Variants in SETX observed in about 807,000 individuals in gnomAD.
The protein encoded by SETX is helicase senataxin.
Under a neutral mutation model 227.2 loss-of-function variants are expected in SETX, and 90 were observed. The ratio of observed to expected loss-of-function variants is 0.40; its 90% CI spans 0.33 to 0.47. The LOEUF (loss-of-function observed/expected upper bound fraction) is 0.47, where lower values mean the gene tolerates loss of function less well. Ranked by LOEUF, SETX falls within the 20% of genes least tolerant of loss-of-function variation. The pLI, the probability that SETX is intolerant of heterozygous loss-of-function variation, is 0.91. For synonymous variants in SETX, 1,210 were observed against 1,113.2 expected, an observed-to-expected ratio of 1.09 and a Z score of -1.73; for missense variants, 3,052 against 3,181.5, an observed-to-expected ratio of 0.96 and a Z score of 0.98.
chr9:132,333,627 A>G (rs1038776712), intron 7 of SETX, among the ~76,000 whole-genome samples: 3 of 152,168 alleles, frequency 2.0e-5, no homozygotes, highest in Admixed American at 6.5e-5. Flanking sequence ...ATTACTTCCT[A>G]AAGATTAGAA....
chr9:132,309,297 T>C (rs1437247890), intron 11 of SETX, among the ~76,000 whole-genome samples: 1 of 151,894 alleles, frequency 6.6e-6, no homozygotes, highest in Non-Finnish European at 1.5e-5. Context: ...TTAAGTGGAC[T>C]CCAGACGCAT....
intron 4 of SETX, among the ~76,000 whole-genome samples, chr9:132,345,285 A>AT (rs919006674): frequency 6.6e-6 from 1 of 152,072 alleles, no homozygotes; most frequent in Non-Finnish European, 1.5e-5. Context: ...TATTATTACT[A>AT]TTTTTTAAGA....
At chr9:132,317,632 CT>C (rs528921561) in intron 10 of SETX, among the ~76,000 whole-genome samples, 64 of 144,744 alleles carry the variant, frequency 4.4e-4, no homozygotes, top group Admixed American at 4.2e-4. Context: ...TATCATTTTC[CT>C]TTTTTTTTTT....
intron 5 of SETX, among the ~76,000 whole-genome samples, chr9:132,340,661 TA>T (rs1359728529): frequency 3.3e-5 from 5 of 152,198 alleles, no homozygotes; most frequent in African/African-American, 1.2e-4. Context: ...GTCCTGGGGT[TA>T]AGAGGGGATG....
At chr9:132,347,531 CA>C (rs1364118294) in intron 3 of SETX, among the ~76,000 whole-genome samples, 4 of 152,056 alleles carry the variant, frequency 2.6e-5, no homozygotes, top group African/African-American at 9.6e-5. Context: ...AGGCTGGTCT[CA>C]AACTGCTGAC....
At chr9:132,292,825 G>A (rs571704415) in intron 15 of SETX, among the ~76,000 whole-genome samples, 1 of 152,174 alleles carries the variant, frequency 6.6e-6, no homozygotes, top group Non-Finnish European at 1.5e-5. Context: ...TTTCAGTAGA[G>A]ACTGGGTTTC....
intron 10 of SETX, among the ~76,000 whole-genome samples, chr9:132,314,631 C>G (rs1193694869): frequency 6.6e-6 from 1 of 152,100 alleles, no homozygotes; most frequent in African/African-American, 2.4e-5. Flanking sequence ...CAGACATGAA[C>G]GACAGATATC....
At position 132,297,691 on chromosome 9, in the gene SETX, A is replaced by G. The variant is rs550474825; in HGVS notation, c.5781+389T>C. On this transcript the variant is annotated intron_variant, in intron 13 of 25. Coordinates refer to ENST00000224140, the MANE Select transcript of SETX (RefSeq NM_015046.7). ...TTTTGCATTTCTCTGTTAACTTCCT[A>G]GAGTTTATACACAGCTTCACATGTT... is the stretch of plus-strand genomic sequence containing the variant. 2.0e-5 allele frequency among the ~76,000 whole-genome samples: 3 copies of G among 152,354 alleles called. No homozygotes were observed. The East Asian group carries it at 5.8e-4, about 29-fold the overall frequency.
At chr9:132,351,918 A>G (rs930258615) in intron 2 of SETX, among the ~76,000 whole-genome samples, 2 of 152,216 alleles carry the variant, frequency 1.3e-5, no homozygotes, top group Admixed American at 6.5e-5. Flanking sequence ...ACCCACCAAA[A>G]AGAGAGCTAA....
Position 132,334,591 on chromosome 9 carries a change from C to T in SETX, c.838+17G>A. ...CATCACTATATTCAACAACATTCAG[C>T]AAGTAAAGTTTATTACCATCTGCTT... On this transcript the variant is annotated intron_variant, in intron 7 of 25. Coordinates refer to ENST00000224140, the MANE Select transcript of SETX (RefSeq NM_015046.7). 6.2e-7 allele frequency: 1 copy of T among 1,613,586 alleles called. No individual in the cohort carries two copies. The highest frequency in any genetic ancestry group is 8.5e-7 in the Non-Finnish European group (1 of 1,179,628).
intron 4 of SETX, among the ~76,000 whole-genome samples, chr9:132,344,244 T>C (rs1373361923): frequency 1.3e-5 from 2 of 152,200 alleles, no homozygotes; most frequent in East Asian, 1.9e-4. Flanking sequence ...GACAGGGTCT[T>C]GCGCTGTTGC....
At chr9:132,317,042 A>T (rs951564966) in intron 10 of SETX, among the ~76,000 whole-genome samples, 1 of 152,250 alleles carries the variant, frequency 6.6e-6, no homozygotes, top group Non-Finnish European at 1.5e-5. Flanking sequence ...ACATCTTTAC[A>T]ATGTGAAGCT....
chr9:132,330,596 T>A, intron 9 of SETX, 97 bp from the exon 10 acceptor site: 1 of 1,035,176 alleles, frequency 9.7e-7, no homozygotes, highest in Non-Finnish European at 1.5e-6. Flanking sequence ...CTCAACTCTC[T>A]TATTTTGGTT....
chr9:132,275,991 T>G (rs1331593982), intron 22 of SETX, among the ~76,000 whole-genome samples: 1 of 152,108 alleles, frequency 6.6e-6, no homozygotes, highest in African/African-American at 2.4e-5. Flanking sequence ...GTTCATGTCC[T>G]CTTTGTAGTC....
At chr9:132,277,977 T>G in intron 21 of SETX, 93 bp downstream of exon 21, 1 of 1,242,424 alleles carries the variant, frequency 8.0e-7, no homozygotes, top group South Asian at 1.2e-5. Context: ...TTATGCTTTT[T>G]ATGACAAGAC....
chr9:132,294,845 T>C (rs1183616425), intron 15 of SETX, among the ~76,000 whole-genome samples: 2 of 152,098 alleles, frequency 1.3e-5, no homozygotes, highest in African/African-American at 4.8e-5. Flanking sequence ...TAAGGCAGAG[T>C]AGCCATACCA....
intron 25 of SETX, among the ~76,000 whole-genome samples, chr9:132,265,778 C>G (rs1842617777): frequency 1.3e-5 from 2 of 152,122 alleles, no homozygotes; most frequent in Non-Finnish European, 2.9e-5. Context: ...CTGCCTACAC[C>G]TCTTGGCAGG....
chr9:132,326,271 A>G (rs1056962269), intron 10 of SETX, 53 bp downstream of exon 10: 1 of 1,342,358 alleles, frequency 7.4e-7, no homozygotes, highest in Non-Finnish European at 1.1e-6. Context: ...TCAGCAAGGT[A>G]AAGAGGTAAC....
At chr9:132,296,074 T>G in intron 14 of SETX, 46 bp from the exon 15 acceptor site, 1 of 1,608,758 alleles carries the variant, frequency 6.2e-7, no homozygotes, top group Non-Finnish European at 8.5e-7. Flanking sequence ...ACAAAAAATA[T>G]GGGTGAGCTC....
Sources: gnomAD v4.1 joint callset for allele counts (sites outside exome capture counted in the v4.1 genomes callset) on GRCh38, gnomAD v4.1.1 for gene constraint, MANE v1.5 for transcripts, NCBI Gene and HGNC (gene_info 2026-07-23, HGNC 2026-07-21) for gene names.